Variants in FHIT observed in about 807,000 individuals in gnomAD.
FHIT encodes bis(5'-adenosyl)-triphosphatase.
Under a neutral mutation model 17.9 loss-of-function variants are expected in FHIT, and 19 were observed. The observed-to-expected ratio is 1.06, with a 90% CI of 0.74 to 1.56. The LOEUF is 1.56. Among genes scored for constraint, FHIT ranks in the 40% most tolerant of loss-of-function variants. The pLI is 0.00. For missense variants in FHIT, 248 were observed against 189.2 expected (o/e 1.31, Z -1.82); for synonymous variants, 81 against 69.7 (o/e 1.16, Z -0.81).
chr3:60,053,918 A>G (rs1701983339), intron 5 of FHIT, among the ~76,000 whole-genome samples: 1 of 152,214 alleles, frequency 6.6e-6, no homozygotes. Context: ...TTCTTTCAAC[A>G]TGCTTATAAA....
intron 2 of FHIT, among the ~76,000 whole-genome samples, chr3:61,094,388 T>A (rs1009458856): frequency 9.2e-5 from 14 of 152,172 alleles, no homozygotes; most frequent in African/African-American, 2.9e-4. Flanking sequence ...GCATCTCACA[T>A]GCAAAGGTGG....
intron 3 of FHIT, among the ~76,000 whole-genome samples, chr3:61,033,751 T>G (rs566601671): frequency 6.6e-6 from 1 of 152,348 alleles, no homozygotes; most frequent in South Asian, 2.1e-4. Context: ...GGTCTTTCTT[T>G]TAATAATTAT....
At chr3:60,324,454 G>A (rs1048632913) in intron 5 of FHIT, among the ~76,000 whole-genome samples, 3 of 151,912 alleles carry the variant, frequency 2.0e-5, no homozygotes, top group African/African-American at 4.8e-5. Flanking sequence ...GCGTGGTGGC[G>A]GGTGCCTATA....
intron 4 of FHIT, among the ~76,000 whole-genome samples, chr3:60,802,399 A>G (rs1429587304): frequency 2.6e-5 from 4 of 152,230 alleles, no homozygotes; most frequent in African/African-American, 9.6e-5. Flanking sequence ...TGTCAGATAC[A>G]TCATAAATTA....
Position 60,121,709 on chromosome 3 carries a change from A to AACAC in FHIT, c.104-107561_104-107558dup, listed in dbSNP as rs57250663. On this transcript the variant is annotated intron_variant, in intron 5 of 9. Transcript: ENST00000492590. ...AAAAAACAAACAAACAAACAAAACA[A>AACAC]ACACACACACACACACACACACACA... Among the ~76,000 whole-genome samples the AACAC allele has an allele frequency of 3.1e-3, 359 of 116,416 alleles. 2 individuals carry two copies. Among genetic ancestry groups the AACAC allele is most frequent in the East Asian group, 0.015 (70 of 4,610 alleles). 76.4% of individuals were successfully genotyped at this position (116,416 alleles called of 152,430 possible). A position where few individuals can be genotyped will look rare whatever the true frequency, so the allele number is the denominator to read the frequency against.
chr3:60,829,058 C>G (rs761232899), intron 3 of FHIT, among the ~76,000 whole-genome samples: 5 of 152,154 alleles, frequency 3.3e-5, no homozygotes, highest in Non-Finnish European at 5.9e-5. Flanking sequence ...AGCACTTTAT[C>G]ATTGTTATCA....
At chr3:60,569,379 G>C (rs1187940624) in intron 4 of FHIT, among the ~76,000 whole-genome samples, 1 of 151,932 alleles carries the variant, frequency 6.6e-6, no homozygotes, top group African/African-American at 2.4e-5. Flanking sequence ...TCCCAAAGAG[G>C]CTAACTCCTT....
rs1705148673 is a variant in FHIT at position 60,241,896 on chromosome 3, A to AAGTTATTACAGT, written c.104-227745_104-227744insACTGTAATAACT. Among the ~76,000 whole-genome samples, 5 of 152,136 alleles carry AAGTTATTACAGT rather than the reference A, an allele frequency of 3.3e-5. No homozygotes were observed. The South Asian group carries it at 1.0e-3, about 32-fold the overall frequency. ...TCATCATCACCTCTAGTAATTTTGT[A>AAGTTATTACAGT]ATTCATTACAGTAATTTATCTAAGT... On this transcript the variant is annotated intron_variant, in intron 5 of 9. Transcript: ENST00000492590.
At chr3:59,986,540 T>TACACACACACACAC (rs1315976727) in intron 7 of FHIT, among the ~76,000 whole-genome samples, 13 of 12,442 alleles carry the variant, frequency 1.0e-3, no homozygotes, top group South Asian at 3.4e-3. Flanking sequence ...TATATATATA[T>TACACACACACACAC]ACACACACAC....
At chr3:60,424,147 G>A (rs1023060051) in intron 5 of FHIT, among the ~76,000 whole-genome samples, 2 of 152,014 alleles carry the variant, frequency 1.3e-5, no homozygotes, top group South Asian at 2.1e-4. Flanking sequence ...TTTTACTGAT[G>A]AGAACACTGA....
At chr3:59,790,430 G>A (rs758151378) in intron 8 of FHIT, among the ~76,000 whole-genome samples, 2 of 152,080 alleles carry the variant, frequency 1.3e-5, no homozygotes, top group Non-Finnish European at 2.9e-5. Flanking sequence ...GAGCCAGCCA[G>A]CTAATTATAG....
chr3:60,063,180 A>T (rs187481886), intron 5 of FHIT, among the ~76,000 whole-genome samples: 191 of 152,284 alleles, frequency 1.3e-3, no homozygotes, highest in Admixed American at 1.9e-3. Flanking sequence ...CTTCTCATGA[A>T]CTGTGGAATT....
intron 2 of FHIT, among the ~76,000 whole-genome samples, chr3:61,192,688 A>C (rs75797772): frequency 6.6e-6 from 1 of 152,302 alleles, no homozygotes; most frequent in East Asian, 1.9e-4. Flanking sequence ...CTTTGAGCAA[A>C]GACTCAGGAG....
At chr3:61,036,393 G>A (rs976973255) in intron 3 of FHIT, among the ~76,000 whole-genome samples, 16 of 152,044 alleles carry the variant, frequency 1.1e-4, no homozygotes, top group Non-Finnish European at 2.4e-4. Context: ...GATTTGAGGA[G>A]ACAAAACATC....
At chr3:60,217,252 T>A (rs1703737675) in intron 5 of FHIT, among the ~76,000 whole-genome samples, 1 of 152,158 alleles carries the variant, frequency 6.6e-6, no homozygotes, top group Admixed American at 6.6e-5. Flanking sequence ...CTTCATGGCC[T>A]AATTTGATGT....
At chr3:60,527,293 T>C (rs970309929) in intron 5 of FHIT, among the ~76,000 whole-genome samples, 4 of 152,218 alleles carry the variant, frequency 2.6e-5, no homozygotes, top group Non-Finnish European at 5.9e-5. Flanking sequence ...TTCCTGTTGA[T>C]TTATTTTTAT....
At chr3:61,040,516 A>G (rs1460676849) in intron 3 of FHIT, among the ~76,000 whole-genome samples, 2 of 152,236 alleles carry the variant, frequency 1.3e-5, no homozygotes, top group African/African-American at 2.4e-5. Flanking sequence ...TAGCACATCA[A>G]TCTGAATATT....
At chr3:60,212,378 G>C in intron 5 of FHIT, among the ~76,000 whole-genome samples, 1 of 152,110 alleles carries the variant, frequency 6.6e-6, no homozygotes, top group East Asian at 1.9e-4. Flanking sequence ...AAAAACGTTA[G>C]GGTATTTGTT....
chr3:60,077,824 T>G (rs1419207475), intron 5 of FHIT, among the ~76,000 whole-genome samples: 1 of 151,462 alleles, frequency 6.6e-6, no homozygotes, highest in African/African-American at 2.4e-5. Flanking sequence ...TCAATAAAAT[T>G]GAATTAGAGT....
Sources: gnomAD v4.1 joint callset for allele counts (sites outside exome capture counted in the v4.1 genomes callset) on GRCh38, gnomAD v4.1.1 for gene constraint, MANE v1.5 for transcripts, NCBI Gene and HGNC (gene_info 2026-07-23, HGNC 2026-07-21) for gene names.